The following FSHR variants were observed in gnomAD, a reference collection of about 807,000 sequenced individuals.
FSHR encodes the protein follicle-stimulating hormone receptor.
A neutral mutation model predicts 52.1 loss-of-function variants in FSHR; 46 were observed. The ratio of observed to expected loss-of-function variants is 0.88; its 90% CI spans 0.70 to 1.13. The LOEUF (loss-of-function observed/expected upper bound fraction) is 1.13, where lower values mean the gene tolerates loss of function less well. Among genes scored for constraint, FSHR ranks in the 50% most tolerant of loss-of-function variants. The pLI is 0.00. For missense variants in FSHR, 964 were observed against 834.6 expected (o/e 1.16, Z -1.91); for synonymous variants, 399 against 309.6 (o/e 1.29, Z -3.03).
At chr2:49,026,137 C>A (rs1454076932) in intron 2 of FSHR, among the ~76,000 whole-genome samples, 2 of 152,158 alleles carry the variant, frequency 1.3e-5, no homozygotes, top group Admixed American at 1.3e-4. Context: ...TACAGATATC[C>A]CCAAAATGAG....
At chr2:49,042,258 T>C (rs777357326) in intron 2 of FSHR, among the ~76,000 whole-genome samples, 1 of 152,182 alleles carries the variant, frequency 6.6e-6, no homozygotes, top group Non-Finnish European at 1.5e-5. Context: ...AGTGACTTAG[T>C]TCTGGGACAT....
intron 2 of FSHR, among the ~76,000 whole-genome samples, chr2:49,049,346 T>G (rs1668771829): frequency 6.6e-6 from 1 of 152,154 alleles, no homozygotes; most frequent in Non-Finnish European, 1.5e-5. Flanking sequence ...TGACCTCACT[T>G]GGCTGTTGAT....
chr2:49,096,672 CA>C (rs1477182837), intron 1 of FSHR, among the ~76,000 whole-genome samples: 1 of 152,152 alleles, frequency 6.6e-6, no homozygotes, highest in African/African-American at 2.4e-5. Flanking sequence ...TTATTTCTGG[CA>C]ACCATGGTGA....
intron 6 of FSHR, among the ~76,000 whole-genome samples, chr2:48,983,720 G>A (rs1675362877): frequency 6.6e-6 from 1 of 152,192 alleles, no homozygotes; most frequent in East Asian, 1.9e-4. Flanking sequence ...CTGGTTATTG[G>A]AGGTTTGTGG....
intron 2 of FSHR, among the ~76,000 whole-genome samples, chr2:49,059,083 T>C (rs148571711): frequency 2.6e-5 from 4 of 152,174 alleles, no homozygotes; most frequent in African/African-American, 9.6e-5. Context: ...CACATGCCTG[T>C]AGTACTAGCT....
At chr2:49,057,570 A>G (rs1009188182) in intron 2 of FSHR, among the ~76,000 whole-genome samples, 2 of 152,142 alleles carry the variant, frequency 1.3e-5, no homozygotes, top group African/African-American at 4.8e-5. Context: ...CCAGGACCAG[A>G]TGGCTTCACT....
At chr2:49,040,221 T>A (rs1361191947) in intron 2 of FSHR, among the ~76,000 whole-genome samples, 1 of 152,198 alleles carries the variant, frequency 6.6e-6, no homozygotes, top group Non-Finnish European at 1.5e-5. Context: ...GAAAAAGGCC[T>A]TATAAAGTGT....
At chr2:49,074,003 T>C (rs56897664) in intron 1 of FSHR, among the ~76,000 whole-genome samples, 37,791 of 151,888 alleles carry the variant, frequency 0.25, 4,957 homozygotes, top group African/African-American at 0.35. Flanking sequence ...AGAGTGAAAC[T>C]ATACTTCCAC....
intron 2 of FSHR, among the ~76,000 whole-genome samples, chr2:49,060,788 G>T (rs190323968): frequency 3.3e-5 from 5 of 152,186 alleles, no homozygotes; most frequent in South Asian, 2.1e-4. Flanking sequence ...TCTCTCCCTG[G>T]GGAGTGCAGT....
Position 48,962,871 on chromosome 2 carries a change from T to G in FSHR, c.1950A>C (p.Gln650His), listed in dbSNP as rs1212303921. Reference protein sequence around the residue: ...LLSKCGCYEMQAQIYRTETSS... With the variant: ...LLSKCGCYEMHAQIYRTETSS... ...AAGTTTCTGTCCTATAAATTTGGGC[T>G]TGCATTTCATAGCAGCCACACTTGC... Residue 650 changes from glutamine to histidine, a missense_variant, in exon 10 of 10, where the codon CAA (glutamine) becomes CAC (histidine). Transcript: ENST00000406846. 6.2e-7 allele frequency: 1 copy of G among 1,614,010 alleles called. No individual in the cohort carries two copies. Among genetic ancestry groups the G allele is most frequent in the Non-Finnish European group, 8.5e-7 (1 of 1,180,016 alleles).
intron 1 of FSHR, among the ~76,000 whole-genome samples, chr2:49,070,258 C>A (rs1483878692): frequency 6.6e-6 from 1 of 151,954 alleles, no homozygotes; most frequent in African/African-American, 2.4e-5. Flanking sequence ...AGTTTTGAAC[C>A]CAAGCCTCAA....
chr2:49,039,059 A>G (rs1232447352), intron 2 of FSHR, among the ~76,000 whole-genome samples: 1 of 152,172 alleles, frequency 6.6e-6, no homozygotes, highest in Non-Finnish European at 1.5e-5. Flanking sequence ...GGCCCTGTAC[A>G]TGTCCTAACT....
intron 1 of FSHR, among the ~76,000 whole-genome samples, chr2:49,094,261 A>G (rs1424658836): frequency 6.6e-6 from 1 of 152,148 alleles, no homozygotes; most frequent in Non-Finnish European, 1.5e-5. Context: ...TCCTCCCTCC[A>G]TGTTGTAATT....
At chr2:49,088,959 CTG>C (rs1318160655) in intron 1 of FSHR, among the ~76,000 whole-genome samples, 1 of 152,116 alleles carries the variant, frequency 6.6e-6, no homozygotes, top group African/African-American at 2.4e-5. Flanking sequence ...ATTTTACTGA[CTG>C]TGTAAAATGC....
At chr2:49,099,662 T>A (rs1402039409) in intron 1 of FSHR, among the ~76,000 whole-genome samples, 2 of 152,024 alleles carry the variant, frequency 1.3e-5, no homozygotes, top group Non-Finnish European at 2.9e-5. Context: ...AAGAATGCCA[T>A]GTGAAGACAC....
chr2:49,098,094 T>C (rs1232418097), intron 1 of FSHR, among the ~76,000 whole-genome samples: 4 of 152,138 alleles, frequency 2.6e-5, no homozygotes, highest in African/African-American at 9.7e-5. Context: ...TCCCAAATAA[T>C]TTATTTTAGT....
chr2:49,119,168 G>A (rs1269104525), intron 1 of FSHR, among the ~76,000 whole-genome samples: 1 of 152,164 alleles, frequency 6.6e-6, no homozygotes, highest in African/African-American at 2.4e-5. Flanking sequence ...CTTTAAGAAT[G>A]AAGACTGATA....
intron 2 of FSHR, among the ~76,000 whole-genome samples, chr2:49,040,829 T>A (rs1668454927): frequency 9.7e-6 from 1 of 103,036 alleles, no homozygotes; most frequent in Non-Finnish European, 2.0e-5. Context: ...GTTAGCATAC[T>A]CAAGGGGATG....
chr2:48,994,490 T>G (rs1675930678), intron 4 of FSHR, among the ~76,000 whole-genome samples: 1 of 152,142 alleles, frequency 6.6e-6, no homozygotes, highest in East Asian at 1.9e-4. Flanking sequence ...TAAAAAGATC[T>G]AGTGACCATC....
Sources: allele counts gnomAD v4.1 joint callset (sites outside exome capture counted in the v4.1 genomes callset), GRCh38; gene constraint gnomAD v4.1.1; transcripts MANE v1.5; gene names NCBI Gene and HGNC (gene_info 2026-07-23, HGNC 2026-07-21).